Variants in PDE11A observed in about 807,000 individuals in gnomAD.
PDE11A encodes dual 3',5'-cyclic-AMP and -GMP phosphodiesterase 11A.
Under a neutral mutation model 100.5 loss-of-function variants are expected in PDE11A, and 100 were observed. The observed-to-expected ratio is 1.00, with a 90% CI of 0.85 to 1.18. The LOEUF (loss-of-function observed/expected upper bound fraction) is 1.18. PDE11A is among the 50% of genes most tolerant of loss of function. The pLI, the probability that PDE11A is intolerant of heterozygous loss-of-function variation, is 0.00. For synonymous variants in PDE11A, 381 were observed against 420.8 expected, an observed-to-expected ratio of 0.91 and a Z score of 1.16; for missense variants, 1,141 against 1,152.6, an observed-to-expected ratio of 0.99 and a Z score of 0.15.
chr2:177,670,315 A>G (rs902944194), intron 17 of PDE11A, among the ~76,000 whole-genome samples: 1 of 152,116 alleles, frequency 6.6e-6, no homozygotes, highest in Non-Finnish European at 1.5e-5. Context: ...AGAGACTTAT[A>G]TTTTTCTACT....
At chr2:177,748,566 G>A (rs927815461) in intron 10 of PDE11A, among the ~76,000 whole-genome samples, 2 of 151,898 alleles carry the variant, frequency 1.3e-5, no homozygotes, top group Admixed American at 6.6e-5. Flanking sequence ...AACTATGTAG[G>A]GTGAATGAAA....
At chr2:178,099,952 G>A (rs1310409135) in intron 2 of PDE11A, among the ~76,000 whole-genome samples, 4 of 152,028 alleles carry the variant, frequency 2.6e-5, no homozygotes, top group South Asian at 2.1e-4. Flanking sequence ...ATTTCAACAC[G>A]TTATAACATA....
rs917971145 is a variant in PDE11A at position 177,936,849 on chromosome 2, A to AGGTG, written c.1072-31666_1072-31663dup. ...GGCAGGAGAATCGCTTGAACCCAAGAGGTGGGAGGTTGCAGTGAGTTGAAA... is the reference window on the plus strand; with the variant it reads ...GGCAGGAGAATCGCTTGAACCCAAGAGGTGGGTGGGAGGTTGCAGTGAGTTGAAA... On this transcript the variant is annotated intron_variant, in intron 2 of 19. Transcript: ENST00000286063. Among the ~76,000 whole-genome samples the AGGTG allele has an allele frequency of 8.5e-5, 13 of 152,166 alleles. No homozygotes were observed. In the South Asian group the frequency reaches 2.1e-3, roughly 24 times the overall value.
chr2:177,770,781 T>C (rs1469211012), intron 9 of PDE11A, among the ~76,000 whole-genome samples: 1 of 152,226 alleles, frequency 6.6e-6, no homozygotes, highest in East Asian at 1.9e-4. Context: ...CACTCACACA[T>C]AAATAGCATA....
intron 4 of PDE11A, among the ~76,000 whole-genome samples, chr2:177,894,528 C>T (rs1233449741): frequency 6.6e-6 from 1 of 152,170 alleles, no homozygotes; most frequent in Non-Finnish European, 1.5e-5. Context: ...ACCTTAAAAA[C>T]TGAATTCCTG....
Position 178,072,140 on chromosome 2 carries a change from G to A in PDE11A, c.298C>T (p.Pro100Ser), listed in dbSNP as rs200957030. 3.2e-5 allele frequency: 52 copies of A among 1,613,902 alleles called. No homozygotes were observed. In the Admixed American group the frequency reaches 8.3e-4, roughly 26 times the overall value. Residue 100 changes from proline to serine, a missense_variant, in exon 1 of 20, where the codon CCC (proline) becomes TCC (serine). Physicochemically the swap from Pro to Ser is moderately conservative, Grantham distance 74 (BLOSUM62 -1). Transcript: ENST00000286063. ...GGDCGGVPLS[P>S]SWAGGSRGDG... ...CCCCTGCTGCCACCGGCCCAGCTGG[G>A]ACTCAAGGGAACCCCACCACAGTCC...
At chr2:177,864,143 GA>G (rs1408618450) in intron 5 of PDE11A, among the ~76,000 whole-genome samples, 1 of 151,974 alleles carries the variant, frequency 6.6e-6, no homozygotes, top group African/African-American at 2.4e-5. Flanking sequence ...TGTGGAATCT[GA>G]AAAAAATTCA....
chr2:177,714,053 G>GC (rs1173443426), intron 12 of PDE11A, among the ~76,000 whole-genome samples: 1 of 136,480 alleles, frequency 7.3e-6, no homozygotes, highest in Non-Finnish European at 1.5e-5. Context: ...GAGTGCAGTG[G>GC]CGCGATCTTG....
At chr2:177,887,384 T>C (rs75909529) in intron 4 of PDE11A, among the ~76,000 whole-genome samples, 9,919 of 151,968 alleles carry the variant, frequency 0.065, 367 homozygotes, top group East Asian at 0.14. Context: ...ATTAAGAATA[T>C]AGATGACTTG....
At chr2:177,809,054 GAGT>G (rs2082911448) in intron 9 of PDE11A, among the ~76,000 whole-genome samples, 1 of 152,164 alleles carries the variant, frequency 6.6e-6, no homozygotes, top group Non-Finnish European at 1.5e-5. Flanking sequence ...GAGGTAGCTA[GAGT>G]AGTCAAATTC....
At chr2:178,045,559 A>G (rs1302109281) in intron 1 of PDE11A, among the ~76,000 whole-genome samples, 1 of 152,236 alleles carries the variant, frequency 6.6e-6, no homozygotes, top group Non-Finnish European at 1.5e-5. Flanking sequence ...TGTGGCTCCA[A>G]CAATATGGGT....
At chr2:177,729,949 A>G (rs548580163) in intron 10 of PDE11A, among the ~76,000 whole-genome samples, 1 of 152,132 alleles carries the variant, frequency 6.6e-6, no homozygotes, top group African/African-American at 2.4e-5. Context: ...AAGGCTTATC[A>G]TTAGCTATAA....
At chr2:177,845,516 G>C (rs529637978) in intron 5 of PDE11A, among the ~76,000 whole-genome samples, 1 of 150,196 alleles carries the variant, frequency 6.7e-6, no homozygotes, top group South Asian at 2.1e-4. Flanking sequence ...ATGGGATGGC[G>C]GCCGGGCGGA....
intron 2 of PDE11A, among the ~76,000 whole-genome samples, chr2:177,996,822 A>C (rs1261493759): frequency 6.6e-6 from 1 of 152,200 alleles, no homozygotes; most frequent in Non-Finnish European, 1.5e-5. Context: ...GAAAATCAGT[A>C]ACTTTTCAAA....
At chr2:177,909,281 T>C (rs2084840719) in intron 2 of PDE11A, among the ~76,000 whole-genome samples, 1 of 152,180 alleles carries the variant, frequency 6.6e-6, no homozygotes, top group South Asian at 2.1e-4. Flanking sequence ...TCTTGTTTTG[T>C]GTACTCCAAT....
intron 2 of PDE11A, among the ~76,000 whole-genome samples, chr2:178,090,195 C>A (rs1056890102): frequency 6.6e-5 from 10 of 152,214 alleles, no homozygotes; most frequent in East Asian, 1.9e-4. Flanking sequence ...ATCCCCACCA[C>A]ATCCAAAAGA....
At chr2:177,981,216 G>A (rs2085877562) in intron 2 of PDE11A, among the ~76,000 whole-genome samples, 1 of 150,506 alleles carries the variant, frequency 6.6e-6, no homozygotes. Flanking sequence ...GCTCATCAAA[G>A]GGCATGGCAG....
chr2:177,844,566 T>C (rs1223077920), intron 5 of PDE11A, among the ~76,000 whole-genome samples: 1 of 151,928 alleles, frequency 6.6e-6, no homozygotes, highest in Non-Finnish European at 1.5e-5. Flanking sequence ...TTATTGATAA[T>C]TCTTGGGTGT....
intron 5 of PDE11A, among the ~76,000 whole-genome samples, chr2:177,868,431 C>T (rs944289932): frequency 3.3e-5 from 5 of 151,896 alleles, no homozygotes; most frequent in Admixed American, 2.0e-4. Flanking sequence ...TTGTTGTCAG[C>T]CCACTAAAAG....
Sources: allele counts gnomAD v4.1 joint callset (sites outside exome capture counted in the v4.1 genomes callset), GRCh38; gene constraint gnomAD v4.1.1; transcripts MANE v1.5; gene names NCBI Gene and HGNC (gene_info 2026-07-23, HGNC 2026-07-21).